The following PTBP3 variants were observed in gnomAD, a reference collection of about 807,000 sequenced individuals.
The protein encoded by PTBP3 is polypyrimidine tract-binding protein 3.
Under a neutral mutation model 58.7 loss-of-function variants are expected in PTBP3, and 20 were observed. The ratio of observed to expected loss-of-function variants is 0.34; its 90% confidence interval spans 0.24 to 0.50. The LOEUF (loss-of-function observed/expected upper bound fraction) is 0.50. Ranked by LOEUF, PTBP3 falls within the 20% of genes least tolerant of loss-of-function variation. PTBP3 has a pLI of 0.98. For synonymous variants in PTBP3, 185 were observed against 219.8 expected, an observed-to-expected ratio of 0.84 and a Z score of 1.40; for missense variants, 509 against 637.2, an observed-to-expected ratio of 0.80 and a Z score of 2.17.
chr9:112,256,253 T>C (rs1297695459), intron 5 of PTBP3, among the ~76,000 whole-genome samples: 1 of 66,374 alleles, frequency 1.5e-5, no homozygotes, highest in Non-Finnish European at 2.9e-5. Context: ...AAACTCCGTC[T>C]CAAAAAAAAA....
chr9:112,365,593 A>G, the PTBP3 span, among the ~76,000 whole-genome samples: 144,829 of 152,232 alleles, frequency 0.95, 68,954 homozygotes, highest in African/African-American at 0.99. Flanking sequence ...TATCAGCAGC[A>G]TGAAAATGGA....
At chr9:112,327,607 T>A (rs1830210980) in intron 1 of PTBP3, among the ~76,000 whole-genome samples, 1 of 152,086 alleles carries the variant, frequency 6.6e-6, no homozygotes, top group South Asian at 2.1e-4. Context: ...ATGAAAGTAG[T>A]ATTAGAAACT....
At chr9:112,261,692 C>T (rs911328048) in intron 5 of PTBP3, among the ~76,000 whole-genome samples, 1 of 152,070 alleles carries the variant, frequency 6.6e-6, no homozygotes, top group African/African-American at 2.4e-5. Flanking sequence ...CACAGATTAC[C>T]AGATAACTGT....
the PTBP3 span, among the ~76,000 whole-genome samples, chr9:112,375,494 T>C: frequency 6.6e-6 from 1 of 152,190 alleles, no homozygotes; most frequent in Non-Finnish European, 1.5e-5. Context: ...CTGCGTATCA[T>C]GCAAAACCAT....
Position 112,223,611 on chromosome 9 carries a change from T to C in PTBP3, c.*240A>G. On this transcript the variant is annotated 3_prime_UTR_variant, in exon 14 of 14. Coordinates refer to ENST00000374257, the MANE Select transcript of PTBP3 (RefSeq NM_001163788.4). ...TGAAAAAAAATTTTTTTCCTGATTTTCTTTTTCCTGAAGGTTATTTTTGTA... is the reference window on the plus strand; with the variant it reads ...TGAAAAAAAATTTTTTTCCTGATTTCCTTTTTCCTGAAGGTTATTTTTGTA... 6 of 1,212,586 alleles carry C rather than the reference T, an allele frequency of 4.9e-6. No homozygotes were observed. Among genetic ancestry groups the C allele is most frequent in the Non-Finnish European group, 5.2e-6 (5 of 964,980 alleles). The allele number at this position is 1,212,586 out of a possible 1,614,324, so 75.1% of individuals were successfully genotyped here.
At chr9:112,352,725 C>T in the PTBP3 span, among the ~76,000 whole-genome samples, 3 of 152,124 alleles carry the variant, frequency 2.0e-5, no homozygotes, top group African/African-American at 7.2e-5. Context: ...CAAATCTCAC[C>T]GCTTTCCTTG....
At chr9:112,270,857 G>C (rs1827356032) in intron 3 of PTBP3, among the ~76,000 whole-genome samples, 1 of 152,138 alleles carries the variant, frequency 6.6e-6, no homozygotes, top group Non-Finnish European at 1.5e-5. Flanking sequence ...TTGCTCTGTA[G>C]CCCAGGCTGG....
intron 8 of PTBP3, among the ~76,000 whole-genome samples, chr9:112,233,721 A>G (rs1835337852): frequency 6.6e-6 from 1 of 152,170 alleles, no homozygotes; most frequent in African/African-American, 2.4e-5. Context: ...GCTTGAGGCC[A>G]GGAGTTTGAG....
chr9:112,234,550 T>C (rs1008568677), intron 8 of PTBP3, among the ~76,000 whole-genome samples: 2 of 152,220 alleles, frequency 1.3e-5, no homozygotes, highest in Non-Finnish European at 2.9e-5. Context: ...GGTTATTTAA[T>C]GTAGTTAGCC....
intron 5 of PTBP3, among the ~76,000 whole-genome samples, chr9:112,255,553 G>A (rs1023534376): frequency 1.2e-4 from 18 of 152,010 alleles, no homozygotes; most frequent in Non-Finnish European, 1.0e-4. Context: ...CAGCCCAGGT[G>A]GCGTTCTAAA....
intron 1 of PTBP3, among the ~76,000 whole-genome samples, chr9:112,331,864 A>T (rs980061967): frequency 6.6e-6 from 1 of 152,354 alleles, no homozygotes; most frequent in African/African-American, 2.4e-5. Flanking sequence ...CAAAGACGCA[A>T]AATTCAAGAG....
At chr9:112,304,097 G>GC (rs1249369982) in intron 1 of PTBP3, among the ~76,000 whole-genome samples, 9 of 151,966 alleles carry the variant, frequency 5.9e-5, no homozygotes, top group Admixed American at 4.6e-4. Flanking sequence ...AACCCAGGAG[G>GC]CAGAGGTTGC....
At chr9:112,292,859 C>T (rs908494769) in intron 2 of PTBP3, among the ~76,000 whole-genome samples, 1 of 152,120 alleles carries the variant, frequency 6.6e-6, no homozygotes, top group Non-Finnish European at 1.5e-5. Context: ...CTATAGTTAA[C>T]ATTACTACAC....
chr9:112,259,670 C>G (rs1445014264), intron 5 of PTBP3, among the ~76,000 whole-genome samples: 1 of 152,176 alleles, frequency 6.6e-6, no homozygotes, highest in Non-Finnish European at 1.5e-5. Context: ...TTACCATGAG[C>G]TAAAGGAACA....
chr9:112,373,029 G>A, the PTBP3 span, among the ~76,000 whole-genome samples: 1 of 18,946 alleles, frequency 5.3e-5, no homozygotes, highest in Non-Finnish European at 1.1e-4. Context: ...CAAGTAGCTG[G>A]GACTACAGTG....
chr9:112,290,417 G>GT (rs1420147550), intron 2 of PTBP3, among the ~76,000 whole-genome samples: 4 of 151,928 alleles, frequency 2.6e-5, no homozygotes, highest in African/African-American at 7.3e-5. Context: ...GCTCACACCT[G>GT]TATTACCAGC....
At chr9:112,265,109 C>A (rs1357802362) in intron 4 of PTBP3, among the ~76,000 whole-genome samples, 1 of 152,004 alleles carries the variant, frequency 6.6e-6, no homozygotes, top group African/African-American at 2.4e-5. Context: ...ACAGGAGTTA[C>A]CAAAATAATT....
chr9:112,253,959 A>T (rs1301573775), intron 5 of PTBP3, among the ~76,000 whole-genome samples: 1 of 152,130 alleles, frequency 6.6e-6, no homozygotes, highest in Non-Finnish European at 1.5e-5. Flanking sequence ...TTTAAATTTG[A>T]ATCTTAAAAC....
intron 8 of PTBP3, among the ~76,000 whole-genome samples, chr9:112,232,628 AT>A (rs1412925109): frequency 6.6e-6 from 1 of 152,204 alleles, no homozygotes; most frequent in Non-Finnish European, 1.5e-5. Context: ...TCAGATATGT[AT>A]TTTTTTAAAG....
Sources: gnomAD v4.1 joint callset for allele counts (sites outside exome capture counted in the v4.1 genomes callset) on GRCh38, gnomAD v4.1.1 for gene constraint, MANE v1.5 for transcripts, NCBI Gene and HGNC (gene_info 2026-07-23, HGNC 2026-07-21) for gene names.